KCNH8: variants seen among roughly 807,000 people sequenced by gnomAD.
KCNH8 encodes potassium voltage-gated channel subfamily H member 8.
KCNH8 carries 70 observed loss-of-function variants against 103.6 expected under a neutral mutation model. The observed-to-expected ratio is 0.68, with a 90% CI of 0.56 to 0.82. The LOEUF (loss-of-function observed/expected upper bound fraction) is 0.82. KCNH8 is among the 40% of genes least tolerant of loss of function. The probability of loss-of-function intolerance (pLI) is 0.00; values close to 1 mark genes in which losing one functional copy is unlikely to be tolerated. For synonymous variants in KCNH8, 498 were observed against 489.4 expected (o/e 1.02, Z -0.23); for missense variants, 1,217 against 1,329.9 (o/e 0.92, Z 1.32).
chr3:19,233,502 TAG>T (rs142471479), intron 1 of KCNH8, among the ~76,000 whole-genome samples: 4,246 of 152,244 alleles, frequency 0.028, 129 homozygotes, highest in East Asian at 0.14. Context: ...GATAAACTGT[TAG>T]AGTTTATCCT....
intron 11 of KCNH8, among the ~76,000 whole-genome samples, chr3:19,457,279 G>A (rs1480578144): frequency 2.0e-5 from 3 of 152,064 alleles, no homozygotes; most frequent in Non-Finnish European, 1.5e-5. Flanking sequence ...ATTAGGTAGA[G>A]ATGTGTGATT....
chr3:19,164,608 A>G lies in KCNH8; in HGVS notation c.76+15813A>G, dbSNP rs1018812127. Among the ~76,000 whole-genome samples, 7 of 152,342 alleles carry G rather than the reference A, an allele frequency of 4.6e-5. No individual in the cohort carries two copies. In the East Asian group the frequency reaches 9.7e-4, roughly 21 times the overall value. On this transcript the variant is annotated intron_variant, in intron 1 of 15. Transcript: ENST00000328405. ...AGCAGGCCCTGTTTAATAAAAGGCA[A>G]AAATTGGATCTAAAGTGTAAGGCAT...
At position 19,318,294 on chromosome 3, in the gene KCNH8, A is replaced by G. The variant is rs866409197; in HGVS notation, c.443-24293A>G. Among the ~76,000 whole-genome samples, 16 of 151,888 alleles carry G rather than the reference A, an allele frequency of 1.1e-4. No homozygotes were observed. The South Asian group carries it at 2.5e-3, about 24-fold the overall frequency. ...ATTTTATTTTATTTTATTTATTTCA[A>G]TAGGTTTTGGAGAAACAAGTGGTGT... On this transcript the variant is annotated intron_variant, in intron 3 of 15. Coordinates refer to ENST00000328405, the MANE Select transcript of KCNH8 (RefSeq NM_144633.3).
chr3:19,151,475 A>G (rs762789279), intron 1 of KCNH8, among the ~76,000 whole-genome samples: 8 of 152,140 alleles, frequency 5.3e-5, no homozygotes, highest in Non-Finnish European at 8.8e-5. Context: ...TAGAGAGCAA[A>G]CAACAACCCT....
intron 1 of KCNH8, 71 bp downstream of exon 1, chr3:19,148,866 C>A: frequency 1.5e-6 from 2 of 1,305,618 alleles, no homozygotes; most frequent in Non-Finnish European, 2.2e-6. Flanking sequence ...ATTACTTTTG[C>A]TCCCACCTTC....
intron 3 of KCNH8, among the ~76,000 whole-genome samples, chr3:19,311,191 T>C (rs886129664): frequency 6.6e-6 from 1 of 151,816 alleles, no homozygotes; most frequent in East Asian, 1.9e-4. Flanking sequence ...ATAATAATAA[T>C]GACAACTAAC....
At chr3:19,419,631 GAT>G (rs776561715) in intron 7 of KCNH8, among the ~76,000 whole-genome samples, 2 of 151,942 alleles carry the variant, frequency 1.3e-5, no homozygotes, top group Non-Finnish European at 2.9e-5. Flanking sequence ...AGTCAGGAAA[GAT>G]AGAAACAAAA....
chr3:19,213,054 A>T (rs959158805), intron 1 of KCNH8, among the ~76,000 whole-genome samples: 1 of 152,152 alleles, frequency 6.6e-6, no homozygotes, highest in African/African-American at 2.4e-5. Flanking sequence ...ATTATCTTCT[A>T]TATTGATGGC....
intron 5 of KCNH8, among the ~76,000 whole-genome samples, chr3:19,358,135 C>A (rs1282886352): frequency 7.3e-5 from 11 of 151,584 alleles, no homozygotes; most frequent in African/African-American, 2.7e-4. Flanking sequence ...GAAAAAAATA[C>A]TGGCCGGCCT....
At chr3:19,298,269 C>T (rs1180000190) in intron 3 of KCNH8, among the ~76,000 whole-genome samples, 1 of 151,958 alleles carries the variant, frequency 6.6e-6, no homozygotes, top group Non-Finnish European at 1.5e-5. Flanking sequence ...TTGAAGTCTG[C>T]CAGGTCACGG....
chr3:19,480,411 G>A (rs976425221), intron 11 of KCNH8, among the ~76,000 whole-genome samples: 2 of 152,142 alleles, frequency 1.3e-5, no homozygotes, highest in African/African-American at 4.8e-5. Flanking sequence ...GGATTCAGAG[G>A]CATTTAATGA....
chr3:19,353,762 C>A (rs1031240828), intron 5 of KCNH8, among the ~76,000 whole-genome samples: 2 of 152,084 alleles, frequency 1.3e-5, no homozygotes, highest in African/African-American at 4.8e-5. Flanking sequence ...TTATGACAGA[C>A]CCACAGCCAA....
At chr3:19,493,845 T>C (rs979361096) in intron 11 of KCNH8, among the ~76,000 whole-genome samples, 21 of 152,068 alleles carry the variant, frequency 1.4e-4, no homozygotes, top group African/African-American at 4.8e-4. Flanking sequence ...TTAATATAGA[T>C]TGTTTTATTA....
intron 1 of KCNH8, among the ~76,000 whole-genome samples, chr3:19,190,248 T>A (rs1461126402): frequency 6.6e-6 from 1 of 151,884 alleles, no homozygotes; most frequent in Admixed American, 6.6e-5. Flanking sequence ...AAGGGAAAAA[T>A]TTTATTCACT....
intron 11 of KCNH8, among the ~76,000 whole-genome samples, chr3:19,482,205 T>C (rs1335914292): frequency 6.6e-6 from 1 of 152,216 alleles, no homozygotes. Context: ...ATACAATGTC[T>C]ATAATCTATA....
rs146462767 is a variant in KCNH8 at position 19,403,923 on chromosome 3, G to T, written c.1177+8612G>T. ...ACCTGTGTAGTATGTTTTACATTAT[G>T]CCCCATATGACATTTTAATATGTAG... On this transcript the variant is annotated intron_variant, in intron 7 of 15. Coordinates refer to ENST00000328405, the MANE Select transcript of KCNH8 (RefSeq NM_144633.3). Among the ~76,000 whole-genome samples, 432 of 151,828 alleles carry T rather than the reference G, an allele frequency of 2.8e-3. 1 individual carries two copies. Among genetic ancestry groups the T allele is most frequent in the African/African-American group, 9.8e-3 (408 of 41,492 alleles).
chr3:19,412,712 G>C (rs1225949219), intron 7 of KCNH8, among the ~76,000 whole-genome samples: 2 of 151,762 alleles, frequency 1.3e-5, no homozygotes, highest in Non-Finnish European at 2.9e-5. Context: ...TAAAAAAAAT[G>C]AGCAAAAGAC....
In KCNH8 at chr3:19,369,004, T is replaced by C. The variant is rs550812415; in HGVS notation, c.811+21039T>C. Among the ~76,000 whole-genome samples the C allele has an allele frequency of 7.2e-5, 11 of 152,106 alleles. No homozygotes were observed. In the East Asian group the frequency reaches 1.4e-3, roughly 19 times the overall value. ...TATTTGTAAGACTGACCTTTCCTAC[T>C]ATAGTATAATTAAGAGCCAAATTGC... On this transcript the variant is annotated intron_variant, in intron 5 of 15. Transcript: ENST00000328405.
At chr3:19,459,956 GTC>G (rs34994157) in intron 11 of KCNH8, among the ~76,000 whole-genome samples, 91 of 146,798 alleles carry the variant, frequency 6.2e-4, no homozygotes, top group Non-Finnish European at 5.6e-4. Flanking sequence ...CTCTTTTTCT[GTC>G]TCTCTCTCTC....
Sources: allele counts gnomAD v4.1 joint callset (sites outside exome capture counted in the v4.1 genomes callset), GRCh38; gene constraint gnomAD v4.1.1; transcripts MANE v1.5; gene names NCBI Gene and HGNC (gene_info 2026-07-23, HGNC 2026-07-21).